Variants in ANK1 observed in about 807,000 individuals in gnomAD.
ANK1 encodes ankyrin-1.
In ANK1, 51 loss-of-function variants were observed where a neutral mutation model predicts 210.4. That is an observed-to-expected ratio of 0.24 (90% confidence interval 0.19 to 0.31). The LOEUF (loss-of-function observed/expected upper bound fraction) is 0.31, where lower values mean the gene tolerates loss of function less well. Among genes scored for constraint, ANK1 ranks in the 10% least tolerant of loss-of-function variants. The pLI is 1.00. For synonymous variants in ANK1, 967 were observed against 1,025.9 expected, an observed-to-expected ratio of 0.94 and a Z score of 1.10; for missense variants, 2,051 against 2,504.4, an observed-to-expected ratio of 0.82 and a Z score of 3.86.
chr8:41,893,432 G>A (rs9657191), intron 1 of ANK1, among the ~76,000 whole-genome samples: 3,658 of 152,166 alleles, frequency 0.024, 135 homozygotes, highest in African/African-American at 0.083. Context: ...AGTTCCCTGC[G>A]TCGAGGTGGC....
At chr8:41,705,369 A>G (rs1000410339) in intron 18 of ANK1, among the ~76,000 whole-genome samples, 4 of 152,336 alleles carry the variant, frequency 2.6e-5, no homozygotes, top group Middle Eastern at 3.4e-3. Flanking sequence ...AGCCTCAAAG[A>G]TCCAGAACAT....
chr8:41,822,079 AG>A (rs1461877946), intron 1 of ANK1, among the ~76,000 whole-genome samples: 1,576 of 37,040 alleles, frequency 0.043, 38 homozygotes, highest in African/African-American at 0.24. Context: ...AGAGAGAGAG[AG>A]AGAGAGAGAG....
At chr8:41,820,352 TGTGTGTGTGTGTGTG>T (rs1804042637) in intron 1 of ANK1, among the ~76,000 whole-genome samples, 1 of 59,534 alleles carries the variant, frequency 1.7e-5, no homozygotes, top group Admixed American at 1.4e-4. Flanking sequence ...TGTGTGTGTG[TGTGTGTGTGTGTGTG>T]TGTGTGTGTG....
intron 1 of ANK1, among the ~76,000 whole-genome samples, chr8:41,760,007 C>T (rs147070080): frequency 5.9e-5 from 9 of 152,252 alleles, no homozygotes; most frequent in African/African-American, 1.9e-4. Context: ...TAACACCAGG[C>T]GCCCCCCAAC....
At chr8:41,752,328 G>A (rs1027439874) in intron 2 of ANK1, among the ~76,000 whole-genome samples, 1 of 152,174 alleles carries the variant, frequency 6.6e-6, no homozygotes, top group Admixed American at 6.5e-5. Context: ...AATGAGTGCT[G>A]TGGAATGACC....
chr8:41,768,004 G>A (rs1398188761), intron 1 of ANK1, among the ~76,000 whole-genome samples: 2 of 152,102 alleles, frequency 1.3e-5, no homozygotes, highest in Non-Finnish European at 2.9e-5. Flanking sequence ...TTGCAGGAGG[G>A]CAGAGCTGTC....
chr8:41,724,837 G>C (rs1830262599), intron 6 of ANK1, among the ~76,000 whole-genome samples: 1 of 152,182 alleles, frequency 6.6e-6, no homozygotes, highest in Admixed American at 6.5e-5. Context: ...ATTCATGAAT[G>C]AAAGTGTAAT....
At chr8:41,674,203 T>C (rs978035966) in intron 37 of ANK1, among the ~76,000 whole-genome samples, 2 of 152,130 alleles carry the variant, frequency 1.3e-5, no homozygotes, top group African/African-American at 4.8e-5. Context: ...CTAGCTCCAT[T>C]TATTCTCATC....
In ANK1 at chr8:41,690,489, C is replaced by T. The variant is rs370506910; in HGVS notation, c.3969G>A (p.Leu1323=). Residue 1323 remains leucine (L), a synonymous_variant, in exon 32 of 43, where the codon CTG becomes CTA. Coordinates refer to ENST00000289734, the MANE Select transcript of ANK1 (RefSeq NM_000037.4). The part of the protein sequence containing the change: ...FHFQSFRENR[L]AMPVKVRDSS... Reference sequence around the variant, plus strand: ...GTGCCGGCACCTTTACAGGCATGGCCAGACGGTTCTCCCGAAATGACTGGA... The same window carrying T: ...GTGCCGGCACCTTTACAGGCATGGCTAGACGGTTCTCCCGAAATGACTGGA... 3.5e-5 allele frequency: 56 copies of T among 1,614,082 alleles called. No homozygotes were observed. The highest frequency in any genetic ancestry group is 2.5e-5 in the Non-Finnish European group (30 of 1,180,044).
intron 1 of ANK1, among the ~76,000 whole-genome samples, chr8:41,854,149 C>T (rs376509078): frequency 3.5e-4 from 53 of 152,304 alleles, no homozygotes; most frequent in Admixed American, 1.8e-3. Flanking sequence ...TGCAGCGGGT[C>T]GCTGCTCCAG....
At chr8:41,838,778 A>ATAAT (rs1456802243) in intron 1 of ANK1, among the ~76,000 whole-genome samples, 1 of 148,402 alleles carries the variant, frequency 6.7e-6, no homozygotes, top group Non-Finnish European at 1.5e-5. Flanking sequence ...AATAATAATA[A>ATAAT]TAATAATAAT....
intron 1 of ANK1, among the ~76,000 whole-genome samples, chr8:41,784,072 A>G (rs1252640520): frequency 1.4e-5 from 2 of 140,076 alleles, no homozygotes; most frequent in Non-Finnish European, 3.2e-5. Flanking sequence ...AAAAAAAAAA[A>G]AGCTGTGAGC....
intron 29 of ANK1, 26 bp downstream of exon 29, chr8:41,693,872 A>C (rs1171445996): frequency 6.3e-7 from 1 of 1,586,606 alleles, no homozygotes; most frequent in Admixed American, 1.8e-5. Context: ...AGCCGAGAAC[A>C]GAAGCGAGGC....
intron 2 of ANK1, among the ~76,000 whole-genome samples, chr8:41,738,405 A>G (rs1441434132): frequency 6.6e-6 from 1 of 152,192 alleles, no homozygotes; most frequent in Non-Finnish European, 1.5e-5. Flanking sequence ...AGTCACCACC[A>G]TCTAGCAGCG....
intron 31 of ANK1, among the ~76,000 whole-genome samples, chr8:41,692,172 T>G (rs1475789425): frequency 6.6e-6 from 1 of 152,024 alleles, no homozygotes; most frequent in Non-Finnish European, 1.5e-5. Flanking sequence ...TTCTCCTATC[T>G]CAGCCACCCG....
chr8:41,865,296 C>G (rs935769944), intron 1 of ANK1, among the ~76,000 whole-genome samples: 1 of 152,190 alleles, frequency 6.6e-6, no homozygotes, highest in Non-Finnish European at 1.5e-5. Context: ...CCGGGCCTTC[C>G]TCCCATTTCT....
chr8:41,704,293 C>T lies in ANK1; in HGVS notation c.2196+81G>A. Reference sequence around the variant, plus strand: ...AGGGTCCATGGTCAAAACCCTAGTGCTCCCAGAGCAGCTCTGGCTTTACCC... The same window carrying T: ...AGGGTCCATGGTCAAAACCCTAGTGTTCCCAGAGCAGCTCTGGCTTTACCC... On this transcript the variant is annotated intron_variant, in intron 19 of 42. Transcript: ENST00000289734. The surrounding 1 kb of genome is among the most constrained non-coding windows in gnomAD (Gnocchi z 4.1). 1 of 1,457,466 alleles carries T rather than the reference C, an allele frequency of 6.9e-7. No homozygotes were observed. Among genetic ancestry groups the T allele is most frequent in the Non-Finnish European group, 9.6e-7 (1 of 1,038,870 alleles). 90.3% of individuals were successfully genotyped at this position (1,457,466 alleles called of 1,614,324 possible).
chr8:41,869,197 C>G lies in ANK1; in HGVS notation c.126+27158G>C, dbSNP rs544042914. On this transcript the variant is annotated intron_variant, in intron 1 of 42. Coordinates refer to the ANK1 transcript ENST00000265709. ...ATCCCTAAAACTGCGTGGTTGGACC[C>G]GATGGTCCCTTCCTTTCCATCTCTG... Among the ~76,000 whole-genome samples, 5 of 148,062 alleles carry G rather than the reference C, an allele frequency of 3.4e-5. No homozygotes were observed. The East Asian group carries it at 8.0e-4, about 24-fold the overall frequency.
At chr8:41,813,510 A>G (rs1802809646) in intron 1 of ANK1, among the ~76,000 whole-genome samples, 1 of 152,206 alleles carries the variant, frequency 6.6e-6, no homozygotes, top group Non-Finnish European at 1.5e-5. Context: ...AGTCACCCCC[A>G]ATTTTACCAA....
Sources: gnomAD v4.1 joint callset for allele counts (sites outside exome capture counted in the v4.1 genomes callset) on GRCh38, gnomAD v4.1.1 for gene constraint, Gnocchi (gnomAD v3.1) non-coding constraint, MANE v1.5 for transcripts, NCBI Gene and HGNC (gene_info 2026-07-23, HGNC 2026-07-21) for gene names.